Variants in CAP2 observed in about 807,000 individuals in gnomAD.
The protein encoded by CAP2 is adenylyl cyclase-associated protein 2.
CAP2 carries 24 observed loss-of-function variants against 57.7 expected under a neutral mutation model. The observed-to-expected ratio is 0.42, with a 90% CI of 0.30 to 0.58. The LOEUF (loss-of-function observed/expected upper bound fraction) is 0.58, where lower values mean the gene tolerates loss of function less well. CAP2 is among the 20% of genes least tolerant of loss of function. The pLI is 0.22. For synonymous variants in CAP2, 194 were observed against 207.2 expected (o/e 0.94, Z 0.55); for missense variants, 501 against 590.3 (o/e 0.85, Z 1.57).
rs1422709898 is a variant in CAP2, at chr6:17,393,751, T to C, written c.-2+5T>C. On this transcript the variant is annotated splice_donor_5th_base_variant and intron_variant, in intron 1 of 12. Transcript: ENST00000229922. ...GACCCCAGGGCAGCGAAGCAGGTAA[T>C]CCTGCAGCGGTCGGGGCCCGGCGAG... 1 of 151,274 alleles carries C rather than the reference T, an allele frequency of 6.6e-6. No individual in the cohort carries two copies. Among genetic ancestry groups the C allele is most frequent in the East Asian group, 2.0e-4 (1 of 5,088 alleles). 9.4% of individuals were successfully genotyped at this position (151,274 alleles called of 1,614,324 possible). A position where few individuals can be genotyped will look rare whatever the true frequency, so the allele number is the denominator to read the frequency against.
intron 4 of CAP2, among the ~76,000 whole-genome samples, chr6:17,482,992 A>G (rs540388952): frequency 1.3e-5 from 2 of 152,384 alleles, no homozygotes; most frequent in South Asian, 4.1e-4. Context: ...GGCTTACGCC[A>G]TCACATATTC....
chr6:17,398,027 A>G (rs1438523301), intron 1 of CAP2, among the ~76,000 whole-genome samples: 2 of 152,180 alleles, frequency 1.3e-5, no homozygotes, highest in African/African-American at 4.8e-5. Flanking sequence ...TAGATCTGAC[A>G]TTCTGACTTC....
chr6:17,412,172 G>A (rs1759156351), intron 1 of CAP2, among the ~76,000 whole-genome samples: 1 of 151,988 alleles, frequency 6.6e-6, no homozygotes, highest in Non-Finnish European at 1.5e-5. Flanking sequence ...TTCTCACTGG[G>A]CTCCCTCCTG....
At chr6:17,416,474 A>G (rs1759278441) in intron 1 of CAP2, among the ~76,000 whole-genome samples, 1 of 152,226 alleles carries the variant, frequency 6.6e-6, no homozygotes, top group African/African-American at 2.4e-5. Context: ...TTAACACTGG[A>G]TATCGATCAC....
intron 7 of CAP2, among the ~76,000 whole-genome samples, chr6:17,529,471 C>G (rs1762586427): frequency 6.6e-6 from 1 of 151,848 alleles, no homozygotes; most frequent in Non-Finnish European, 1.5e-5. Flanking sequence ...AAAACCCCAT[C>G]TCTACTAAAA....
chr6:17,531,716 A>G, intron 7 of CAP2: 2 of 631,568 alleles, frequency 3.2e-6, no homozygotes. Context: ...CTGTACTTAA[A>G]GTTGGAGATC....
chr6:17,507,578 C>T (rs1762022403), intron 5 of CAP2, 63 bp from the exon 6 acceptor site: 1 of 1,008,012 alleles, frequency 9.9e-7, no homozygotes, highest in Admixed American at 1.8e-5. Context: ...TTCTTTAAGG[C>T]ATTTTCTTTC....
In CAP2 at chr6:17,426,603, C is replaced by G; in HGVS notation, c.135C>G (p.Ser45=). ...CCTTTCCCCAAGGTGTGGCACCCTC[C>G]GTGGAAGCCTTTGACAAGCTGATGG... is the stretch of plus-strand genomic sequence containing the variant. ...VNGVIAGVAP[S]VEAFDKLMDS... is the part of the protein sequence containing the mutation. Residue 45 remains serine, a synonymous_variant, in exon 3 of 13, where the codon TCC becomes TCG. Coordinates refer to ENST00000229922, the MANE Select transcript of CAP2 (RefSeq NM_006366.3). 1 of 1,613,500 alleles carries G rather than the reference C, an allele frequency of 6.2e-7. No individual in the cohort carries two copies. The highest frequency in any genetic ancestry group is 8.5e-7 in the Non-Finnish European group (1 of 1,179,480).
intron 5 of CAP2, among the ~76,000 whole-genome samples, 156 bp downstream of exon 5, chr6:17,507,468 C>G (rs1171143988): frequency 6.6e-6 from 1 of 152,230 alleles, no homozygotes; most frequent in Non-Finnish European, 1.5e-5. Flanking sequence ...AAAGTTCAAG[C>G]TTTCTGTTCT....
rs140775324 is a variant in CAP2, at chr6:17,530,026, T to C, written c.637-9243T>C. Among the ~76,000 whole-genome samples, 87 of 152,170 alleles carry C rather than the reference T, an allele frequency of 5.7e-4. No homozygotes were observed. The East Asian group carries it at 0.012, about 21-fold the overall frequency. ...TGTAAAGCATTGTTAGTCTCTATAG[T>C]TGTAGCATGAAGATGTAAGTGTACT... On this transcript the variant is annotated intron_variant, in intron 7 of 12. Transcript: ENST00000229922.
At chr6:17,405,024 AG>A (rs1758922091) in intron 1 of CAP2, among the ~76,000 whole-genome samples, 1 of 152,160 alleles carries the variant, frequency 6.6e-6, no homozygotes. Flanking sequence ...GATGCCTGAA[AG>A]CATGGATAGT....
chr6:17,483,776 CAG>C (rs1561799931), intron 4 of CAP2, among the ~76,000 whole-genome samples: 2 of 152,090 alleles, frequency 1.3e-5, no homozygotes, highest in Admixed American at 6.6e-5. Context: ...GCGTGGCTGA[CAG>C]GGGTGTTTTC....
intron 4 of CAP2, among the ~76,000 whole-genome samples, chr6:17,470,189 A>G (rs560849544): frequency 6.6e-6 from 1 of 152,316 alleles, no homozygotes; most frequent in East Asian, 1.9e-4. Flanking sequence ...CTCGGTATCT[A>G]CTGGAGAATT....
chr6:17,441,853 T>C (rs1760084817), intron 3 of CAP2, among the ~76,000 whole-genome samples: 1 of 152,186 alleles, frequency 6.6e-6, no homozygotes, highest in South Asian at 2.1e-4. Flanking sequence ...AATGTGTAAC[T>C]GTTGAAAACA....
At chr6:17,406,798 A>T (rs994571456) in intron 1 of CAP2, among the ~76,000 whole-genome samples, 18 of 152,062 alleles carry the variant, frequency 1.2e-4, no homozygotes, top group African/African-American at 3.9e-4. Flanking sequence ...TGCAAACAAA[A>T]CCCAAAACCT....
chr6:17,497,492 G>A (rs1467004395), intron 4 of CAP2, among the ~76,000 whole-genome samples: 1 of 152,186 alleles, frequency 6.6e-6, no homozygotes, highest in Non-Finnish European at 1.5e-5. Flanking sequence ...ACTAGGTTAA[G>A]CTTTGGTTTT....
chr6:17,518,177 T>A (rs558413050), intron 7 of CAP2, among the ~76,000 whole-genome samples: 70 of 152,290 alleles, frequency 4.6e-4, no homozygotes, highest in African/African-American at 1.7e-3. Flanking sequence ...TTAAAACATA[T>A]GCCTAGAAAT....
intron 4 of CAP2, among the ~76,000 whole-genome samples, chr6:17,485,974 T>C (rs1050793740): frequency 1.3e-5 from 2 of 152,220 alleles, no homozygotes; most frequent in African/African-American, 2.4e-5. Flanking sequence ...ACATTGGGTG[T>C]ACCAATTCTG....
chr6:17,506,183 G>T (rs574335473), intron 4 of CAP2, among the ~76,000 whole-genome samples: 5 of 152,250 alleles, frequency 3.3e-5, no homozygotes, highest in African/African-American at 1.2e-4. Context: ...ACAGGTATGA[G>T]CCACCACGCC....
Sources: gnomAD v4.1 joint callset for allele counts (sites outside exome capture counted in the v4.1 genomes callset) on GRCh38, gnomAD v4.1.1 for gene constraint, MANE v1.5 for transcripts, NCBI Gene and HGNC (gene_info 2026-07-23, HGNC 2026-07-21) for gene names.